Variants in PACS1 observed in about 807,000 individuals in gnomAD.
PACS1 encodes the protein PACS-1.
In PACS1, 24 loss-of-function variants were observed where a neutral mutation model predicts 115.0. That is an observed-to-expected ratio of 0.21 (90% CI 0.15 to 0.29). The LOEUF (loss-of-function observed/expected upper bound fraction) is 0.29. Ranked by LOEUF, PACS1 falls within the 10% of genes least tolerant of loss-of-function variation. The pLI, the probability that PACS1 is intolerant of heterozygous loss-of-function variation, is 1.00. For synonymous variants in PACS1, 453 were observed against 504.5 expected (o/e 0.90, Z 1.37); for missense variants, 838 against 1,251.2 (o/e 0.67, Z 4.98).
chr11:66,171,844 G>T (rs1231124516), intron 1 of PACS1, among the ~76,000 whole-genome samples: 1 of 151,762 alleles, frequency 6.6e-6, no homozygotes, highest in Non-Finnish European at 1.5e-5. Context: ...CTCCCAAAGT[G>T]CTGGGATTAC....
intron 1 of PACS1, among the ~76,000 whole-genome samples, chr11:66,083,766 T>C (rs1313179848): frequency 6.6e-6 from 1 of 152,208 alleles, no homozygotes; most frequent in Non-Finnish European, 1.5e-5. Flanking sequence ...TTTCTGCCAA[T>C]TATAATAAAT....
chr11:66,168,798 AC>A (rs1859670655), intron 1 of PACS1, among the ~76,000 whole-genome samples: 1 of 149,644 alleles, frequency 6.7e-6, no homozygotes, highest in Admixed American at 6.6e-5. Flanking sequence ...ACACACATTT[AC>A]ATTTTTTAAT....
chr11:66,127,588 G>A (rs1036880159), intron 1 of PACS1, among the ~76,000 whole-genome samples: 2 of 152,170 alleles, frequency 1.3e-5, no homozygotes, highest in Admixed American at 6.5e-5. Context: ...ATCAGGGTAC[G>A]TTCAGTGTGT....
At chr11:66,153,639 G>A (rs953094213) in intron 1 of PACS1, among the ~76,000 whole-genome samples, 8 of 152,100 alleles carry the variant, frequency 5.3e-5, no homozygotes, top group South Asian at 2.1e-4. Context: ...AAAATTGCCC[G>A]GCATGGTGGT....
intron 1 of PACS1, among the ~76,000 whole-genome samples, chr11:66,091,330 G>A (rs1308929346): frequency 1.3e-5 from 2 of 151,912 alleles, no homozygotes; most frequent in African/African-American, 2.4e-5. Context: ...TAGTGGAGAC[G>A]AGGTTTCACC....
rs1858189806 is a variant in PACS1 at position 66,111,705 on chromosome 11, A to C, written c.356+40863A>C. ...ACTCACTCTGCTCAGGCTGGAGTGC[A>C]GTAGCGTGATCTCTGCTCACTGCAA... On this transcript the variant is annotated intron_variant, in intron 1 of 23. Coordinates refer to ENST00000320580, the MANE Select transcript of PACS1 (RefSeq NM_018026.4). 2.6e-5 allele frequency among the ~76,000 whole-genome samples: 4 copies of C among 152,262 alleles called. No homozygotes were observed. The South Asian group carries it at 8.3e-4, about 32-fold the overall frequency.
Position 66,234,131 on chromosome 11 carries a change from G to T in PACS1, c.1994-1G>T, listed in dbSNP as rs1855658877. 2 of 1,607,736 alleles carry T rather than the reference G, an allele frequency of 1.2e-6. No individual in the cohort carries two copies. Among genetic ancestry groups the T allele is most frequent in the South Asian group, 1.1e-5 (1 of 90,926 alleles). The stretch of plus-strand genomic sequence containing the variant: ...ACCACCTCTGGTTTTCCATCTACCA[G>T]GTTCTCACCCTGTGGCCAAATACTT... On this transcript the variant is annotated splice_acceptor_variant, in intron 16 of 23. Transcript: ENST00000320580. LOFTEE classifies it high-confidence loss of function.
chr11:66,100,808 C>T (rs934525592), intron 1 of PACS1: 2 of 456,140 alleles, frequency 4.4e-6, no homozygotes, highest in Admixed American at 2.3e-5. Flanking sequence ...TTAGCTGGGA[C>T]CTCCATGAGA....
At chr11:66,092,841 G>A (rs1246897560) in intron 1 of PACS1, among the ~76,000 whole-genome samples, 10 of 151,782 alleles carry the variant, frequency 6.6e-5, no homozygotes, top group African/African-American at 1.7e-4. Flanking sequence ...GTAGATATGC[G>A]GCGTTATTTC....
At chr11:66,206,744 G>T (rs1854949181) in intron 2 of PACS1, among the ~76,000 whole-genome samples, 1 of 152,196 alleles carries the variant, frequency 6.6e-6, no homozygotes, top group Admixed American at 6.5e-5. Flanking sequence ...CGGTAGACCT[G>T]GTTGAGAAGA....
chr11:66,174,917 T>C (rs907155793), intron 1 of PACS1, among the ~76,000 whole-genome samples: 1 of 152,186 alleles, frequency 6.6e-6, no homozygotes, highest in Non-Finnish European at 1.5e-5. Flanking sequence ...TTGGGAGGCC[T>C]AGGCGGGTGG....
Position 66,241,472 on chromosome 11 carries a change from C to T in PACS1, c.2475C>T (p.Asp825=), listed in dbSNP as rs1357924575. 6.2e-7 allele frequency: 1 copy of T among 1,611,312 alleles called. No individual in the cohort carries two copies. Among genetic ancestry groups the T allele is most frequent in the Admixed American group, 1.7e-5 (1 of 59,554 alleles). ...PYGDVIGLQV[D]YWLGHPGERR... is the part of the protein sequence containing the mutation. The stretch of plus-strand genomic sequence containing the variant: ...GGGACGTGATTGGCCTCCAGGTGGA[C>T]TACTGGCTGGGCCACCCCGGGGAGC... Residue 825 remains aspartate, a synonymous_variant, in exon 22 of 24, where the codon GAC becomes GAT. Coordinates refer to ENST00000320580, the MANE Select transcript of PACS1 (RefSeq NM_018026.4).
In PACS1 at chr11:66,230,857, G is replaced by A; in HGVS notation, c.1543G>A (p.Glu515Lys). 6.2e-7 allele frequency: 1 copy of A among 1,614,150 alleles called. No individual in the cohort carries two copies. The highest frequency in any genetic ancestry group is 8.5e-7 in the Non-Finnish European group (1 of 1,179,976). The change falls in exon 13 of 24, where the codon GAG becomes AAG. Residue 515 changes from glutamate to lysine, a missense_variant. By Grantham distance (56) the Glu-to-Lys change is moderately conservative. Coordinates refer to ENST00000320580, the MANE Select transcript of PACS1 (RefSeq NM_018026.4). ...GCAGAAGAGGAGCACGCCCCTGAAG[G>A]AGCGGCAGCTCTCCAAGCCCCTAAG... is the stretch of plus-strand genomic sequence containing the variant. ...PRQKRSTPLK[E>K]RQLSKPLSER... is the part of the protein sequence containing the mutation.
intron 1 of PACS1, among the ~76,000 whole-genome samples, chr11:66,161,189 A>T (rs895899466): frequency 6.6e-6 from 1 of 152,226 alleles, no homozygotes; most frequent in Admixed American, 6.5e-5. Context: ...GAGAATATAT[A>T]TATGGCACTC....
intron 1 of PACS1, among the ~76,000 whole-genome samples, chr11:66,125,504 C>G (rs1041565121): frequency 6.6e-6 from 1 of 152,138 alleles, no homozygotes; most frequent in Non-Finnish European, 1.5e-5. Context: ...ATTCCATCCT[C>G]TATTTTGAAG....
intron 8 of PACS1, chr11:66,220,364 G>A (rs991195163): frequency 1.3e-5 from 6 of 458,050 alleles, no homozygotes; most frequent in Non-Finnish European, 2.0e-5. Context: ...CCACATGGGC[G>A]ATGGGCCTCG....
intron 1 of PACS1, among the ~76,000 whole-genome samples, chr11:66,129,482 T>C (rs1858656298): frequency 1.3e-5 from 2 of 148,756 alleles, no homozygotes; most frequent in Admixed American, 6.8e-5. Flanking sequence ...ATTATTATTA[T>C]TATTATTAAA....
At chr11:66,081,409 G>C (rs1453188737) in intron 1 of PACS1, among the ~76,000 whole-genome samples, 1 of 151,664 alleles carries the variant, frequency 6.6e-6, no homozygotes, top group East Asian at 1.9e-4. Context: ...TAATTTCTCC[G>C]TCTTCCCTGC....
At position 66,216,602 on chromosome 11, in the gene PACS1, G is replaced by T; in HGVS notation, c.888G>T (p.Leu296Phe). 1 of 1,613,830 alleles carries T rather than the reference G, an allele frequency of 6.2e-7. No homozygotes were observed. Among genetic ancestry groups the T allele is most frequent in the Non-Finnish European group, 8.5e-7 (1 of 1,179,674 alleles). The change falls in exon 6 of 24, where the codon TTG becomes TTT. Residue 296 changes from leucine (L) to phenylalanine (F), a missense_variant. Physicochemically the swap from Leu to Phe is conservative, Grantham distance 22 (BLOSUM62 0). Around this residue, in one of 6 missense-constraint regions of PACS1, gnomAD observed 223 missense variants for 354.0 expected, o/e 0.63. Transcript: ENST00000320580. ...AACAGGAAGGCAGTGATGATCCATT[G>T]CATGGGCAGGTAACTTTCTGTGGTC... is the stretch of plus-strand genomic sequence containing the variant. The part of the protein sequence containing the change: ...SSEQEGSDDP[L>F]HGQDLFYEDE...
Sources: gnomAD v4.1 joint callset for allele counts (sites outside exome capture counted in the v4.1 genomes callset) on GRCh38, gnomAD v4.1.1 for gene constraint, gnomAD v4.1.1 regional missense constraint, MANE v1.5 for transcripts, NCBI Gene and HGNC (gene_info 2026-07-23, HGNC 2026-07-21) for gene names.